The following TCERG1L variants were observed in gnomAD, a reference collection of about 807,000 sequenced individuals.
The protein encoded by TCERG1L is transcription elongation regulator 1-like protein.
Under a neutral mutation model 56.3 loss-of-function variants are expected in TCERG1L, and 37 were observed. The ratio of observed to expected loss-of-function variants is 0.66; its 90% CI spans 0.51 to 0.87. The LOEUF is 0.87. Ranked by LOEUF, TCERG1L falls within the 40% of genes least tolerant of loss-of-function variation. TCERG1L has a pLI of 0.00. For synonymous variants in TCERG1L, 324 were observed against 326.3 expected (o/e 0.99, Z 0.08); for missense variants, 799 against 774.2 (o/e 1.03, Z -0.38).
At chr10:131,216,104 G>T (rs1213190133) in intron 4 of TCERG1L, among the ~76,000 whole-genome samples, 1 of 152,148 alleles carries the variant, frequency 6.6e-6, no homozygotes, top group Non-Finnish European at 1.5e-5. Context: ...GAAGATAATC[G>T]ATTAAATAAA....
intron 3 of TCERG1L, among the ~76,000 whole-genome samples, chr10:131,299,439 A>T (rs1484486461): frequency 6.7e-6 from 1 of 148,560 alleles, no homozygotes; most frequent in Non-Finnish European, 1.5e-5. Flanking sequence ...TTTACTAGTT[A>T]TAACTCTTTT....
At chr10:131,175,610 C>T (rs186528850) in intron 4 of TCERG1L, among the ~76,000 whole-genome samples, 16 of 152,312 alleles carry the variant, frequency 1.1e-4, no homozygotes, top group East Asian at 5.8e-4. Context: ...GTGAGTCCCA[C>T]GCAATTCACA....
intron 4 of TCERG1L, among the ~76,000 whole-genome samples, chr10:131,199,984 T>G (rs1845414033): frequency 6.6e-6 from 1 of 152,076 alleles, no homozygotes; most frequent in Non-Finnish European, 1.5e-5. Context: ...AGGTCAACAT[T>G]CCTCCTTTCC....
chr10:131,271,343 G>C (rs1036720482), intron 3 of TCERG1L, among the ~76,000 whole-genome samples: 1 of 152,226 alleles, frequency 6.6e-6, no homozygotes, highest in African/African-American at 2.4e-5. Flanking sequence ...CGGCTCTCCA[G>C]GTTTTCTCTT....
At chr10:131,271,950 CA>C (rs1222408086) in intron 3 of TCERG1L, among the ~76,000 whole-genome samples, 1 of 152,198 alleles carries the variant, frequency 6.6e-6, no homozygotes, top group Non-Finnish European at 1.5e-5. Flanking sequence ...CCAACTGTAC[CA>C]GAAATAATGG....
chr10:131,248,162 C>T lies in TCERG1L; in HGVS notation c.856+12097G>A, dbSNP rs532880844. Among the ~76,000 whole-genome samples the T allele has an allele frequency of 3.3e-5, 5 of 151,518 alleles. No homozygotes were observed. The South Asian group carries it at 1.0e-3, about 32-fold the overall frequency. On this transcript the variant is annotated intron_variant, in intron 4 of 11. Coordinates refer to ENST00000368642, the MANE Select transcript of TCERG1L (RefSeq NM_174937.4). Reference sequence around the variant, plus strand: ...CGACACACACATACGCTGGTAAACACACCCACACACCCACATGACACACAC... The same window carrying T: ...CGACACACACATACGCTGGTAAACATACCCACACACCCACATGACACACAC...
Position 131,258,304 on chromosome 10 carries a change from T to C in TCERG1L, c.856+1955A>G, listed in dbSNP as rs981444041. On this transcript the variant is annotated intron_variant, in intron 4 of 11. Coordinates refer to ENST00000368642, the MANE Select transcript of TCERG1L (RefSeq NM_174937.4). ...AGATAGGCCAGCTCTCTATCCCATCTCCGTCAAGTCTTGGTTTTCGAAAAG... is the reference window on the plus strand; with the variant it reads ...AGATAGGCCAGCTCTCTATCCCATCCCCGTCAAGTCTTGGTTTTCGAAAAG... Among the ~76,000 whole-genome samples the C allele has an allele frequency of 6.8e-4, 103 of 152,244 alleles. 3 individuals carry two copies.
intron 3 of TCERG1L, among the ~76,000 whole-genome samples, chr10:131,307,059 C>T (rs950886095): frequency 3.9e-5 from 6 of 152,130 alleles, no homozygotes; most frequent in African/African-American, 1.4e-4. Flanking sequence ...TTTTCATATA[C>T]CAAAAGAACC....
chr10:131,145,132 A>C (rs1038378875), intron 7 of TCERG1L, among the ~76,000 whole-genome samples: 31 of 152,382 alleles, frequency 2.0e-4, no homozygotes, highest in African/African-American at 6.7e-4. Flanking sequence ...TGCCAGCATG[A>C]TCTGCCTTTG....
chr10:131,097,675 A>C (rs2133378127), intron 11 of TCERG1L, among the ~76,000 whole-genome samples: 1 of 152,338 alleles, frequency 6.6e-6, no homozygotes, highest in East Asian at 1.9e-4. Context: ...AAGATCAGTC[A>C]ATTAAAGCTA....
At chr10:131,294,040 A>AT (rs1406274844) in intron 3 of TCERG1L, among the ~76,000 whole-genome samples, 3 of 151,982 alleles carry the variant, frequency 2.0e-5, no homozygotes, top group Non-Finnish European at 4.4e-5. Context: ...GTAGAATCTC[A>AT]TTTTTTACTT....
At chr10:131,144,843 G>A (rs1053978863) in intron 7 of TCERG1L, among the ~76,000 whole-genome samples, 9 of 152,134 alleles carry the variant, frequency 5.9e-5, no homozygotes, top group African/African-American at 9.7e-5. Context: ...AGGAGACGGA[G>A]CATCGAGCTA....
At chr10:131,148,537 CAG>C (rs1288627975) in intron 6 of TCERG1L, among the ~76,000 whole-genome samples, 7 of 151,712 alleles carry the variant, frequency 4.6e-5, no homozygotes, top group African/African-American at 1.7e-4. Context: ...TACACATGCA[CAG>C]AGACACACAC....
chr10:131,273,408 T>C (rs1258655897), intron 3 of TCERG1L, among the ~76,000 whole-genome samples: 2 of 152,204 alleles, frequency 1.3e-5, no homozygotes, highest in East Asian at 3.9e-4. Context: ...GGAGAGTCCC[T>C]TGGCCAAAGC....
At chr10:131,248,189 AACAC>A (rs1205133536) in intron 4 of TCERG1L, among the ~76,000 whole-genome samples, 1 of 141,676 alleles carries the variant, frequency 7.1e-6, no homozygotes, top group African/African-American at 2.8e-5. Flanking sequence ...GACACACACA[AACAC>A]ACACTACTCA....
chr10:131,247,509 C>T (rs1475436403), intron 4 of TCERG1L, among the ~76,000 whole-genome samples: 2 of 145,886 alleles, frequency 1.4e-5, no homozygotes, highest in East Asian at 3.9e-4. Context: ...GCAAGACCCA[C>T]CCCTGGTCGA....
chr10:131,155,045 G>A (rs1010501114), intron 6 of TCERG1L, among the ~76,000 whole-genome samples: 2 of 152,214 alleles, frequency 1.3e-5, no homozygotes, highest in African/African-American at 4.8e-5. Flanking sequence ...CCTCCCAAGA[G>A]CACGGGCTCC....
chr10:131,099,690 G>T (rs2133379351), intron 10 of TCERG1L, among the ~76,000 whole-genome samples: 1 of 152,246 alleles, frequency 6.6e-6, no homozygotes, highest in Admixed American at 6.5e-5. Context: ...TTCCCACTTT[G>T]TCTTATTGTT....
At chr10:131,308,668 A>T (rs1846842512) in intron 2 of TCERG1L, among the ~76,000 whole-genome samples, 1 of 152,246 alleles carries the variant, frequency 6.6e-6, no homozygotes, top group African/African-American at 2.4e-5. Context: ...CACCCCAATG[A>T]GATAATGACT....
Sources: allele counts gnomAD v4.1 joint callset (sites outside exome capture counted in the v4.1 genomes callset), GRCh38; gene constraint gnomAD v4.1.1; transcripts MANE v1.5; gene names NCBI Gene and HGNC (gene_info 2026-07-23, HGNC 2026-07-21).